Variants in LRRTM4 observed in about 807,000 individuals in gnomAD.
LRRTM4 encodes leucine-rich repeat transmembrane neuronal protein 4.
LRRTM4 carries 25 observed loss-of-function variants against 47.6 expected under a neutral mutation model. The observed-to-expected ratio is 0.53, with a 90% confidence interval of 0.38 to 0.73. The LOEUF (loss-of-function observed/expected upper bound fraction) is 0.73. LRRTM4 is among the 30% of genes least tolerant of loss of function. The pLI, the probability that LRRTM4 is intolerant of heterozygous loss-of-function variation, is 0.00. For missense variants in LRRTM4, 638 were observed against 713.4 expected, an observed-to-expected ratio of 0.89 and a Z score of 1.20; for synonymous variants, 311 against 269.5, an observed-to-expected ratio of 1.15 and a Z score of -1.51.
chr2:77,354,526 G>T (rs1237523013), intron 3 of LRRTM4, among the ~76,000 whole-genome samples: 1 of 152,072 alleles, frequency 6.6e-6, no homozygotes, highest in Non-Finnish European at 1.5e-5. Flanking sequence ...TTTCCCAGAA[G>T]CAAACCTTGA....
At chr2:77,203,267 A>T (rs1674028506) in intron 3 of LRRTM4, among the ~76,000 whole-genome samples, 1 of 152,124 alleles carries the variant, frequency 6.6e-6, no homozygotes, top group African/African-American at 2.4e-5. Flanking sequence ...GAAAAGGAAT[A>T]GACGGGTCCC....
chr2:77,022,935 T>C (rs1047836792), intron 3 of LRRTM4, among the ~76,000 whole-genome samples: 2 of 152,224 alleles, frequency 1.3e-5, no homozygotes, highest in Non-Finnish European at 2.9e-5. Flanking sequence ...GTAGGGACTC[T>C]GTGTGAGGGC....
At chr2:76,781,452 G>C (rs1452324503) in intron 3 of LRRTM4, among the ~76,000 whole-genome samples, 1 of 152,260 alleles carries the variant, frequency 6.6e-6, no homozygotes, top group African/African-American at 2.4e-5. Flanking sequence ...ATATAATCTT[G>C]TGGTGGGCCC....
chr2:77,096,496 A>G (rs2103900676), intron 3 of LRRTM4, among the ~76,000 whole-genome samples: 1 of 151,714 alleles, frequency 6.6e-6, no homozygotes, highest in Admixed American at 6.6e-5. Context: ...TAAATATAAA[A>G]TGTCAAAAGT....
At chr2:77,044,645 A>C (rs1230081888) in intron 3 of LRRTM4, among the ~76,000 whole-genome samples, 3 of 151,612 alleles carry the variant, frequency 2.0e-5, no homozygotes, top group Non-Finnish European at 1.5e-5. Flanking sequence ...ATATACACAC[A>C]AACATATACA....
At chr2:77,520,875 G>A (rs7607265) in intron 2 of LRRTM4, among the ~76,000 whole-genome samples, 32,261 of 151,164 alleles carry the variant, frequency 0.21, 4,355 homozygotes, top group Non-Finnish European at 0.29. Context: ...TCTTTCCTCC[G>A]TCAACAGTAG....
At chr2:77,043,381 C>T (rs1282531019) in intron 3 of LRRTM4, among the ~76,000 whole-genome samples, 1 of 151,718 alleles carries the variant, frequency 6.6e-6, no homozygotes, top group Non-Finnish European at 1.5e-5. Flanking sequence ...ATTGTCTTCG[C>T]AACAGTATTG....
intron 3 of LRRTM4, among the ~76,000 whole-genome samples, chr2:76,770,035 G>C (rs2222180): frequency 6.6e-6 from 1 of 151,912 alleles, no homozygotes; most frequent in African/African-American, 2.4e-5. Flanking sequence ...ACATTATTCT[G>C]ATGCATACTG....
chr2:77,386,549 G>A (rs1379334227), intron 3 of LRRTM4, among the ~76,000 whole-genome samples: 2 of 152,198 alleles, frequency 1.3e-5, no homozygotes, highest in South Asian at 2.1e-4. Flanking sequence ...CTTTGCTATT[G>A]TGAACAGTGC....
intron 3 of LRRTM4, among the ~76,000 whole-genome samples, chr2:77,074,027 TC>T (rs1173643147): frequency 6.6e-6 from 1 of 152,136 alleles, no homozygotes; most frequent in East Asian, 1.9e-4. Context: ...TTTATATTTT[TC>T]CCCTACATTG....
Position 76,763,913 on chromosome 2 carries a change from A to G in LRRTM4, c.1552-14997T>C, listed in dbSNP as rs531071788. Among the ~76,000 whole-genome samples the G allele has an allele frequency of 2.2e-3, 331 of 152,348 alleles. 1 individual carries two copies. The highest frequency in any genetic ancestry group is 4.0e-3 in the Non-Finnish European group (272 of 68,030). On this transcript the variant is annotated intron_variant, in intron 3 of 3. Transcript: ENST00000409884. ...TATATATATTCTTTTTAGAGAAGATATAAACAATCATAAACAGAATGGTGG... is the reference window on the plus strand; with the variant it reads ...TATATATATTCTTTTTAGAGAAGATGTAAACAATCATAAACAGAATGGTGG...
intron 3 of LRRTM4, among the ~76,000 whole-genome samples, chr2:76,959,447 GAA>G (rs368351240): frequency 2.0e-5 from 3 of 150,028 alleles, no homozygotes; most frequent in Non-Finnish European, 4.5e-5. Context: ...TATTTCTGGG[GAA>G]AAAAAACACG....
intron 3 of LRRTM4, among the ~76,000 whole-genome samples, chr2:76,938,699 A>C (rs1238352284): frequency 5.3e-5 from 8 of 152,284 alleles, no homozygotes; most frequent in Non-Finnish European, 1.0e-4. Flanking sequence ...AAGAGGTCTT[A>C]GAATACACTT....
At chr2:77,028,267 G>C (rs1678523105) in intron 3 of LRRTM4, among the ~76,000 whole-genome samples, 1 of 152,108 alleles carries the variant, frequency 6.6e-6, no homozygotes, top group Non-Finnish European at 1.5e-5. Context: ...TAGGAAAGTT[G>C]GCTAGTGTTC....
rs539717583 is a variant in LRRTM4 at position 76,797,090 on chromosome 2, G to A, written c.1552-48174C>T. 8.0e-4 allele frequency among the ~76,000 whole-genome samples: 121 copies of A among 152,068 alleles called. 1 individual carries two copies. The highest frequency in any genetic ancestry group is 6.0e-3 in the South Asian group (29 of 4,816). ...CCCCAATCTAGCAAGGCAGGCCAAC[G>A]TTCAGATTCAGGAAATACAGAGAAT... On this transcript the variant is annotated intron_variant, in intron 3 of 3. Transcript: ENST00000409884.
chr2:77,079,524 A>T (rs1430181455), intron 3 of LRRTM4, among the ~76,000 whole-genome samples: 1 of 152,150 alleles, frequency 6.6e-6, no homozygotes, highest in African/African-American at 2.4e-5. Flanking sequence ...AGATTTTTGC[A>T]ATTTTTTTAA....
chr2:77,419,822 G>T (rs183101528), intron 3 of LRRTM4, among the ~76,000 whole-genome samples: 100 of 152,066 alleles, frequency 6.6e-4, no homozygotes, highest in African/African-American at 2.2e-3. Flanking sequence ...AGAAAACTAA[G>T]ATTAATCACA....
intron 3 of LRRTM4, among the ~76,000 whole-genome samples, chr2:77,338,769 A>T (rs2104269951): frequency 6.6e-6 from 1 of 152,192 alleles, no homozygotes; most frequent in African/African-American, 2.4e-5. Flanking sequence ...AAATGAAAAT[A>T]AATCATCGTA....
At chr2:76,892,717 G>T (rs138010454) in intron 3 of LRRTM4, among the ~76,000 whole-genome samples, 10 of 151,816 alleles carry the variant, frequency 6.6e-5, no homozygotes, top group African/African-American at 2.2e-4. Context: ...GGCGATTAAT[G>T]TGTATTTTAA....
Sources: gnomAD v4.1 joint callset for allele counts (sites outside exome capture counted in the v4.1 genomes callset) on GRCh38, gnomAD v4.1.1 for gene constraint, MANE v1.5 for transcripts, NCBI Gene and HGNC (gene_info 2026-07-23, HGNC 2026-07-21) for gene names.